LHFPL3: variants seen among roughly 807,000 people sequenced by gnomAD.
LHFPL3 encodes the protein LHFPL tetraspan subfamily member 3 protein.
Under a neutral mutation model 19.3 loss-of-function variants are expected in LHFPL3, and 5 were observed. The observed-to-expected ratio is 0.26, with a 90% CI of 0.14 to 0.54. The LOEUF is 0.54. LHFPL3 is among the 20% of genes least tolerant of loss of function. The pLI is 0.94. For missense variants in LHFPL3, 249 were observed against 307.4 expected, an observed-to-expected ratio of 0.81 and a Z score of 1.42; for synonymous variants, 133 against 126.2, an observed-to-expected ratio of 1.05 and a Z score of -0.36.
At chr7:104,891,516 C>G (rs1792246369) in intron 2 of LHFPL3, among the ~76,000 whole-genome samples, 1 of 152,114 alleles carries the variant, frequency 6.6e-6, no homozygotes, top group Non-Finnish European at 1.5e-5. Context: ...TTTTAAAGGT[C>G]CCACTGTTAA....
At chr7:104,638,096 G>T (rs1042124397) in intron 1 of LHFPL3, among the ~76,000 whole-genome samples, 2 of 152,090 alleles carry the variant, frequency 1.3e-5, no homozygotes, top group African/African-American at 4.8e-5. Flanking sequence ...TCACTTTAGA[G>T]ATGTTTCACC....
At chr7:104,623,357 C>T (rs1791484812) in intron 1 of LHFPL3, among the ~76,000 whole-genome samples, 1 of 152,086 alleles carries the variant, frequency 6.6e-6, no homozygotes, top group African/African-American at 2.4e-5. Flanking sequence ...AGGCTGGGTG[C>T]AGTGGCTCAC....
chr7:104,888,047 G>A (rs942507158), intron 2 of LHFPL3, among the ~76,000 whole-genome samples: 1 of 152,182 alleles, frequency 6.6e-6, no homozygotes, highest in African/African-American at 2.4e-5. Flanking sequence ...TCTGCTGTGG[G>A]CTGATCCTTC....
intron 1 of LHFPL3, among the ~76,000 whole-genome samples, chr7:104,358,586 A>C (rs2116404091): frequency 6.6e-6 from 1 of 152,342 alleles, no homozygotes; most frequent in Non-Finnish European, 1.5e-5. Context: ...CTTTACTTAG[A>C]CAACTTGAAA....
At chr7:104,602,580 G>A (rs952349571) in intron 1 of LHFPL3, among the ~76,000 whole-genome samples, 1 of 152,186 alleles carries the variant, frequency 6.6e-6, no homozygotes, top group African/African-American at 2.4e-5. Context: ...AGGCTAAGTG[G>A]TAAAGTTCCC....
intron 2 of LHFPL3, among the ~76,000 whole-genome samples, chr7:104,773,948 A>G (rs1248149204): frequency 6.6e-6 from 1 of 152,244 alleles, no homozygotes; most frequent in East Asian, 1.9e-4. Context: ...GGGTTGTGGT[A>G]CTTTGTTACA....
chr7:104,550,923 A>T (rs1215934059), intron 1 of LHFPL3, among the ~76,000 whole-genome samples: 1 of 152,100 alleles, frequency 6.6e-6, no homozygotes, highest in Admixed American at 6.5e-5. Flanking sequence ...CCCTTCAAAC[A>T]ATCTTCTTAT....
chr7:104,854,722 T>C (rs1202460575), intron 2 of LHFPL3, among the ~76,000 whole-genome samples: 1 of 152,118 alleles, frequency 6.6e-6, no homozygotes, highest in Non-Finnish European at 1.5e-5. Flanking sequence ...ATAGCTTCAG[T>C]ATGAAAAAAA....
At chr7:104,332,237 T>C (rs1471300751) in intron 1 of LHFPL3, among the ~76,000 whole-genome samples, 1 of 138,150 alleles carries the variant, frequency 7.2e-6, no homozygotes, top group African/African-American at 2.7e-5. Flanking sequence ...TTTTTTTTTT[T>C]TTTTTTTTTT....
intron 1 of LHFPL3, among the ~76,000 whole-genome samples, chr7:104,374,424 T>C (rs2116438600): frequency 6.6e-6 from 1 of 152,224 alleles, no homozygotes; most frequent in African/African-American, 2.4e-5. Context: ...GTATTTTTAG[T>C]AGAGACGGGG....
At chr7:104,412,923 A>T (rs1370923719) in intron 1 of LHFPL3, among the ~76,000 whole-genome samples, 2 of 152,178 alleles carry the variant, frequency 1.3e-5, no homozygotes, top group Non-Finnish European at 2.9e-5. Context: ...TGTCATTAGC[A>T]TGCCTGTTTA....
chr7:104,782,950 A>G (rs1053532296), intron 2 of LHFPL3, among the ~76,000 whole-genome samples: 6 of 152,238 alleles, frequency 3.9e-5, no homozygotes, highest in South Asian at 4.1e-4. Context: ...GCACGCGCGC[A>G]CACACACACA....
intron 1 of LHFPL3, among the ~76,000 whole-genome samples, chr7:104,429,297 A>T (rs182506895): frequency 8.1e-5 from 10 of 122,956 alleles, no homozygotes; most frequent in African/African-American, 2.7e-4. Context: ...TACCTATGTC[A>T]TTCCTTTTTT....
At chr7:104,783,572 A>G (rs1185634340) in intron 2 of LHFPL3, among the ~76,000 whole-genome samples, 1 of 152,250 alleles carries the variant, frequency 6.6e-6, no homozygotes, top group Non-Finnish European at 1.5e-5. Context: ...TGTAATCAGC[A>G]GTTGGATCAG....
chr7:104,682,136 G>A (rs547727560), intron 1 of LHFPL3, among the ~76,000 whole-genome samples: 1 of 152,294 alleles, frequency 6.6e-6, no homozygotes, highest in East Asian at 1.9e-4. Flanking sequence ...AATACTTCAT[G>A]TAAGCATCCT....
chr7:104,373,733 G>A (rs1018844389), intron 1 of LHFPL3, among the ~76,000 whole-genome samples: 2 of 152,204 alleles, frequency 1.3e-5, no homozygotes, highest in African/African-American at 4.8e-5. Context: ...GCTGCCCTTA[G>A]AGGTGATAGA....
At chr7:104,897,786 A>G (rs1407176703) in intron 2 of LHFPL3, among the ~76,000 whole-genome samples, 1 of 152,218 alleles carries the variant, frequency 6.6e-6, no homozygotes, top group Non-Finnish European at 1.5e-5. Flanking sequence ...AGGATTAAAT[A>G]AAGCATTAAA....
chr7:104,905,559 A>G, intron 2 of LHFPL3, among the ~76,000 whole-genome samples: 1 of 152,072 alleles, frequency 6.6e-6, no homozygotes, highest in East Asian at 1.9e-4. Flanking sequence ...CTGTCTCTAT[A>G]TTATAAATTA....
chr7:104,339,170 C>G (rs1417297962), intron 1 of LHFPL3, among the ~76,000 whole-genome samples: 3 of 152,092 alleles, frequency 2.0e-5, no homozygotes, highest in Non-Finnish European at 4.4e-5. Context: ...ATCACTTGAA[C>G]CCAGGAGGTG....
Sources: gnomAD v4.1 joint callset for allele counts (sites outside exome capture counted in the v4.1 genomes callset) on GRCh38, gnomAD v4.1.1 for gene constraint, MANE v1.5 for transcripts, NCBI Gene and HGNC (gene_info 2026-07-23, HGNC 2026-07-21) for gene names.